The following DCPH1 variants were observed in gnomAD, a reference collection of about 807,000 sequenced individuals.
The protein encoded by DCPH1 is damage-control phosphatase 1.
At chr6:151,464,535 T>G in the DCPH1 span, 1 of 1,611,648 alleles carries the variant, frequency 6.2e-7, no homozygotes, top group Non-Finnish European at 8.5e-7. Context: ...CATTGCTTTA[T>G]GTACTCACCT....
the DCPH1 span, chr6:151,452,490 C>T: frequency 7.5e-6 from 12 of 1,599,092 alleles, no homozygotes; most frequent in East Asian, 1.2e-4. Flanking sequence ...GCGGTACCGC[C>T]TCTGTTTCTG....
the DCPH1 span, among the ~76,000 whole-genome samples, chr6:151,453,558 A>C: frequency 6.6e-6 from 1 of 152,236 alleles, no homozygotes; most frequent in African/African-American, 2.4e-5. Flanking sequence ...AGCACCACAG[A>C]GTCGGAAAGT....
At chr6:151,468,987 A>C in the DCPH1 span, 1 of 1,614,240 alleles carries the variant, frequency 6.2e-7, no homozygotes. Flanking sequence ...GTACCATAAG[A>C]ACATTAAAAG....
chr6:151,462,424 A>G, the DCPH1 span, among the ~76,000 whole-genome samples: 1 of 152,186 alleles, frequency 6.6e-6, no homozygotes, highest in Non-Finnish European at 1.5e-5. Flanking sequence ...ACTGAAATGA[A>G]ATGATACAGT....
chr6:151,455,559 A>T, the DCPH1 span, among the ~76,000 whole-genome samples: 1 of 151,936 alleles, frequency 6.6e-6, no homozygotes, highest in African/African-American at 2.4e-5. Flanking sequence ...ATGCTTTACA[A>T]AGCAGTATTG....
At chr6:151,463,991 A>G in the DCPH1 span, among the ~76,000 whole-genome samples, 1 of 152,190 alleles carries the variant, frequency 6.6e-6, no homozygotes, top group Non-Finnish European at 1.5e-5. Flanking sequence ...TTAAGTACTC[A>G]TTGTATTTCC....
At chr6:151,464,680 A>T in the DCPH1 span, 8 of 1,052,378 alleles carry the variant, frequency 7.6e-6, no homozygotes, top group South Asian at 1.3e-4. Flanking sequence ...ACTGCTATAC[A>T]GTTAACAAAA....
the DCPH1 span, chr6:151,454,569 T>G: frequency 6.5e-7 from 1 of 1,540,236 alleles, no homozygotes; most frequent in Non-Finnish European, 8.9e-7. Context: ...ATCTTACAAT[T>G]AAAGACAGAA....
At chr6:151,454,660 ATT>A in the DCPH1 span, 1 of 1,376,112 alleles carries the variant, frequency 7.3e-7, no homozygotes, top group Middle Eastern at 1.9e-4. Flanking sequence ...AGAGGTAAGA[ATT>A]GTTTTAACTT....
At chr6:151,465,232 C>G in the DCPH1 span, among the ~76,000 whole-genome samples, 3 of 152,168 alleles carry the variant, frequency 2.0e-5, no homozygotes, top group African/African-American at 7.2e-5. Context: ...TGCAAACATC[C>G]TGAAATTTAC....
chr6:151,468,727 T>C, the DCPH1 span: 1 of 1,614,180 alleles, frequency 6.2e-7, no homozygotes, highest in South Asian at 1.1e-5. Context: ...GATGTCCAAG[T>C]GTGGGGCTGA....
the DCPH1 span, chr6:151,464,675 T>C: frequency 8.9e-7 from 1 of 1,128,014 alleles, no homozygotes; most frequent in Non-Finnish European, 1.2e-6. Flanking sequence ...AATAAACTGC[T>C]ATACAGTTAA....
the DCPH1 span, among the ~76,000 whole-genome samples, chr6:151,460,925 G>C: frequency 1.3e-5 from 2 of 152,204 alleles, no homozygotes; most frequent in Non-Finnish European, 1.5e-5. Context: ...GTGAAATGTA[G>C]GCGTTGTTAT....
At chr6:151,465,344 T>C in the DCPH1 span, among the ~76,000 whole-genome samples, 1 of 151,986 alleles carries the variant, frequency 6.6e-6, no homozygotes, top group African/African-American at 2.4e-5. Context: ...CAAAAAGAAA[T>C]GTTAGAAAGT....
At chr6:151,457,213 G>T in the DCPH1 span, among the ~76,000 whole-genome samples, 2 of 152,152 alleles carry the variant, frequency 1.3e-5, no homozygotes, top group African/African-American at 4.8e-5. Flanking sequence ...AGACTACCTG[G>T]TTTGGCAGAT....
At chr6:151,464,656 T>A in the DCPH1 span, 1 of 1,455,980 alleles carries the variant, frequency 6.9e-7, no homozygotes, top group Non-Finnish European at 9.4e-7. Flanking sequence ...ATGTTTTATT[T>A]AAACAGAAAA....
At chr6:151,469,117 T>A in the DCPH1 span, 2 of 1,593,278 alleles carry the variant, frequency 1.3e-6, no homozygotes, top group Non-Finnish European at 1.7e-6. Context: ...TTGACTTGAT[T>A]TAGGAGCTCT....
the DCPH1 span, among the ~76,000 whole-genome samples, chr6:151,459,568 G>C: frequency 6.6e-6 from 1 of 152,114 alleles, no homozygotes; most frequent in Non-Finnish European, 1.5e-5. Context: ...AAGGCAGGTG[G>C]ATCACTCGAG....
chr6:151,460,645 G>A, the DCPH1 span, among the ~76,000 whole-genome samples: 14 of 151,658 alleles, frequency 9.2e-5, no homozygotes, highest in African/African-American at 1.7e-4. Flanking sequence ...TTAGCTGGGC[G>A]CGGTGGTGCG....
Sources: gnomAD v4.1 joint callset for allele counts (sites outside exome capture counted in the v4.1 genomes callset) on GRCh38, gnomAD v4.1.1 for gene constraint, MANE v1.5 for transcripts, NCBI Gene and HGNC (gene_info 2026-07-23, HGNC 2026-07-21) for gene names.